The following SNTG1 variants were observed in gnomAD, a reference collection of about 807,000 sequenced individuals.
SNTG1 encodes gamma-1-syntrophin.
SNTG1 carries 39 observed loss-of-function variants against 74.7 expected under a neutral mutation model. That is an observed-to-expected ratio of 0.52 (90% confidence interval 0.40 to 0.68). The LOEUF is 0.68. SNTG1 is among the 30% of genes least tolerant of loss of function. SNTG1 has a pLI of 0.00. For synonymous variants in SNTG1, 254 were observed against 217.1 expected (o/e 1.17, Z -1.49); for missense variants, 685 against 609.5 (o/e 1.12, Z -1.30).
intron 2 of SNTG1, among the ~76,000 whole-genome samples, chr8:50,226,708 T>C (rs944045888): frequency 6.6e-6 from 1 of 152,144 alleles, no homozygotes; most frequent in African/African-American, 2.4e-5. Context: ...ACCAAATCAA[T>C]GTGTTTCTTA....
intron 2 of SNTG1, among the ~76,000 whole-genome samples, chr8:50,282,700 A>C (rs926952254): frequency 3.3e-5 from 5 of 152,150 alleles, no homozygotes; most frequent in Non-Finnish European, 1.5e-5. Context: ...CAGGAGGCGG[A>C]GGTTGCAGTG....
At chr8:50,183,891 A>G (rs1320531685) in intron 2 of SNTG1, among the ~76,000 whole-genome samples, 1 of 152,154 alleles carries the variant, frequency 6.6e-6, no homozygotes, top group Non-Finnish European at 1.5e-5. Flanking sequence ...CTTTACTACT[A>G]TAGCAGCATT....
intron 15 of SNTG1, among the ~76,000 whole-genome samples, chr8:50,683,988 A>G (rs1303135582): frequency 6.6e-6 from 1 of 152,224 alleles, no homozygotes; most frequent in East Asian, 1.9e-4. Context: ...AAAGTTTTCA[A>G]AAAGGAAGAC....
At chr8:50,143,311 AT>A (rs2081740300) in intron 1 of SNTG1, among the ~76,000 whole-genome samples, 2 of 152,040 alleles carry the variant, frequency 1.3e-5, no homozygotes, top group Admixed American at 1.3e-4. Context: ...TTGCCTTGCT[AT>A]ATTTTGTACT....
intron 8 of SNTG1, among the ~76,000 whole-genome samples, chr8:50,490,287 GT>G (rs368528524): frequency 6.6e-6 from 1 of 152,130 alleles, no homozygotes; most frequent in Non-Finnish European, 1.5e-5. Flanking sequence ...ATTGAACGTA[GT>G]TTTTTCTAAT....
chr8:50,510,509 C>T (rs1397044251), intron 9 of SNTG1, among the ~76,000 whole-genome samples: 1 of 152,160 alleles, frequency 6.6e-6, no homozygotes, highest in Non-Finnish European at 1.5e-5. Flanking sequence ...CCTCTTTGTA[C>T]CTCTGGTAGA....
intron 1 of SNTG1, among the ~76,000 whole-genome samples, chr8:50,073,656 C>A (rs1405775407): frequency 1.3e-5 from 2 of 151,984 alleles, no homozygotes; most frequent in Non-Finnish European, 2.9e-5. Flanking sequence ...ATAATACCAG[C>A]AACTCAAAAT....
At chr8:50,723,843 A>C (rs150771129) in intron 17 of SNTG1, among the ~76,000 whole-genome samples, 16 of 152,270 alleles carry the variant, frequency 1.1e-4, no homozygotes, top group Admixed American at 3.3e-4. Flanking sequence ...GTCTTTTAGT[A>C]GTTTTGCAGG....
At chr8:50,705,257 C>A (rs975605764) in intron 16 of SNTG1, among the ~76,000 whole-genome samples, 1 of 152,182 alleles carries the variant, frequency 6.6e-6, no homozygotes, top group African/African-American at 2.4e-5. Context: ...GCCAATACTC[C>A]TTCTACAACT....
intron 2 of SNTG1, among the ~76,000 whole-genome samples, chr8:50,386,556 G>A (rs1280034981): frequency 6.6e-6 from 1 of 151,958 alleles, no homozygotes; most frequent in African/African-American, 2.4e-5. Context: ...ACCTCAAGCA[G>A]GCTAATTTAT....
chr8:50,161,251 A>G (rs2082406943), intron 1 of SNTG1, among the ~76,000 whole-genome samples: 3 of 152,216 alleles, frequency 2.0e-5, no homozygotes, highest in South Asian at 2.1e-4. Flanking sequence ...ATGGAACACT[A>G]TATGATCAGT....
chr8:50,400,691 T>C (rs1308116551), intron 3 of SNTG1, among the ~76,000 whole-genome samples: 2 of 152,232 alleles, frequency 1.3e-5, no homozygotes, highest in Non-Finnish European at 2.9e-5. Context: ...TTAGTCACCA[T>C]TCTAACTTGG....
chr8:50,272,561 C>A (rs180685196), intron 2 of SNTG1, among the ~76,000 whole-genome samples: 1 of 152,066 alleles, frequency 6.6e-6, no homozygotes, highest in African/African-American at 2.4e-5. Flanking sequence ...TCTTGCTTGA[C>A]GGGTATAGAT....
intron 5 of SNTG1, among the ~76,000 whole-genome samples, chr8:50,449,332 T>C (rs992250617): frequency 2.0e-5 from 3 of 152,218 alleles, no homozygotes; most frequent in Non-Finnish European, 4.4e-5. Context: ...ATAACAGTAA[T>C]ATATAATTAT....
At chr8:50,309,722 A>G (rs2090035790) in intron 2 of SNTG1, among the ~76,000 whole-genome samples, 1 of 152,208 alleles carries the variant, frequency 6.6e-6, no homozygotes, top group Non-Finnish European at 1.5e-5. Context: ...CTTCTGAGAG[A>G]CGAAGTGGAG....
intron 2 of SNTG1, among the ~76,000 whole-genome samples, chr8:50,260,037 G>GA (rs776743390): frequency 2.0e-5 from 3 of 152,056 alleles, no homozygotes; most frequent in Non-Finnish European, 4.4e-5. Flanking sequence ...AAAGATTGGA[G>GA]AAAAAATCCC....
chr8:50,780,574 T>A (rs1234326782), intron 18 of SNTG1, among the ~76,000 whole-genome samples: 1 of 152,182 alleles, frequency 6.6e-6, no homozygotes, highest in Non-Finnish European at 1.5e-5. Flanking sequence ...TTTTATTGCA[T>A]CTATTTGATT....
chr8:50,185,750 T>C lies in SNTG1; in HGVS notation c.-28+13115T>C, dbSNP rs1395014319. Among the ~76,000 whole-genome samples, 5 of 152,286 alleles carry C rather than the reference T, an allele frequency of 3.3e-5. No homozygotes were observed. The East Asian group carries it at 9.6e-4, about 29-fold the overall frequency. On this transcript the variant is annotated intron_variant, in intron 2 of 18. Transcript: ENST00000642720. ...TTTTCCTCATCAAACTTTTATCTAT[T>C]AATGTACATTTCTATGAATTCATTT...
chr8:50,088,597 C>CT, intron 1 of SNTG1, among the ~76,000 whole-genome samples: 1 of 129,070 alleles, frequency 7.7e-6, no homozygotes, highest in South Asian at 2.4e-4. Context: ...CACAAGCATT[C>CT]TTATACACCA....
Sources: allele counts gnomAD v4.1 joint callset (sites outside exome capture counted in the v4.1 genomes callset), GRCh38; gene constraint gnomAD v4.1.1; transcripts MANE v1.5; gene names NCBI Gene and HGNC (gene_info 2026-07-23, HGNC 2026-07-21).